RAB39A: variants seen among roughly 807,000 people sequenced by gnomAD.
RAB39A encodes the protein RAB39A, member RAS oncogene family.
Under a neutral mutation model 20.9 loss-of-function variants are expected in RAB39A, and 17 were observed. That is an observed-to-expected ratio of 0.81 (90% confidence interval 0.56 to 1.22). The LOEUF (loss-of-function observed/expected upper bound fraction) is 1.22. Among genes scored for constraint, RAB39A ranks in the 50% most tolerant of loss-of-function variants. The pLI is 0.00. For missense variants in RAB39A, 234 were observed against 270.5 expected (o/e 0.87, Z 0.95); for synonymous variants, 99 against 103.4 (o/e 0.96, Z 0.26).
At chr11:107,937,622 G>A (rs925180200) in intron 1 of RAB39A, among the ~76,000 whole-genome samples, 2 of 151,176 alleles carry the variant, frequency 1.3e-5, no homozygotes, top group South Asian at 2.1e-4. Context: ...TGCAAGCTCC[G>A]CCTCCTGGGT....
At chr11:107,940,421 G>A (rs185884845) in intron 1 of RAB39A, among the ~76,000 whole-genome samples, 11 of 151,534 alleles carry the variant, frequency 7.3e-5, no homozygotes, top group Non-Finnish European at 1.0e-4. Flanking sequence ...ACGCCACCAC[G>A]CCTGGCTAAT....
intron 1 of RAB39A, among the ~76,000 whole-genome samples, chr11:107,941,629 G>A (rs1029939126): frequency 6.6e-6 from 1 of 152,148 alleles, no homozygotes; most frequent in Non-Finnish European, 1.5e-5. Context: ...ATTAGCACTT[G>A]TTTTAAGCAC....
chr11:107,930,702 A>G (rs1408507061), intron 1 of RAB39A, among the ~76,000 whole-genome samples: 2 of 151,856 alleles, frequency 1.3e-5, no homozygotes, highest in Non-Finnish European at 2.9e-5. Flanking sequence ...CCAAAAATAC[A>G]AAAATTAGCT....
chr11:107,961,933 C>T lies in RAB39A; in HGVS notation c.228-13C>T, dbSNP rs778540979. The stretch of plus-strand genomic sequence containing the variant: ...GTTGTCCTTATACAACCTTTTTTCT[C>T]TTCATTTTTCAGATCAATAACCCGA... On this transcript the variant is annotated splice_polypyrimidine_tract_variant and intron_variant, in intron 1 of 1. Coordinates refer to ENST00000320578, the MANE Select transcript of RAB39A (RefSeq NM_017516.3). 44 of 1,584,272 alleles carry T rather than the reference C, an allele frequency of 2.8e-5. No homozygotes were observed. Among genetic ancestry groups the T allele is most frequent in the Admixed American group, 2.3e-4 (13 of 55,672 alleles).
At chr11:107,934,951 A>G (rs1415563221) in intron 1 of RAB39A, among the ~76,000 whole-genome samples, 1 of 141,236 alleles carries the variant, frequency 7.1e-6, no homozygotes, top group Non-Finnish European at 1.5e-5. Flanking sequence ...AAAAAAAAAA[A>G]TAGAGACAGC....
chr11:107,938,746 AAAAG>A (rs972068780), intron 1 of RAB39A, among the ~76,000 whole-genome samples: 3 of 151,804 alleles, frequency 2.0e-5, no homozygotes, highest in Admixed American at 2.0e-4. Flanking sequence ...AAAAAAAAAA[AAAAG>A]AAAGAAAAAG....
chr11:107,961,854 A>G, intron 1 of RAB39A, 92 bp from the exon 2 acceptor site: 1 of 987,598 alleles, frequency 1.0e-6, no homozygotes, highest in Non-Finnish European at 1.5e-6. Context: ...ATATTAAGAT[A>G]TCTTCAAATG....
chr11:107,936,057 A>G (rs1861191325), intron 1 of RAB39A, among the ~76,000 whole-genome samples: 1 of 151,494 alleles, frequency 6.6e-6, no homozygotes, highest in African/African-American at 2.4e-5. Context: ...GTGCCACCAT[A>G]CTCAGCTAGT....
At chr11:107,940,555 T>C (rs1861248691) in intron 1 of RAB39A, among the ~76,000 whole-genome samples, 1 of 152,166 alleles carries the variant, frequency 6.6e-6, no homozygotes, top group Non-Finnish European at 1.5e-5. Flanking sequence ...CGAGCCTGTT[T>C]TAATTATCTC....
chr11:107,934,502 T>C (rs138991947), intron 1 of RAB39A, among the ~76,000 whole-genome samples: 1 of 152,152 alleles, frequency 6.6e-6, no homozygotes, highest in Non-Finnish European at 1.5e-5. Context: ...ATAGCTCCCT[T>C]GATAAGTTGC....
chr11:107,936,810 C>T (rs903923872), intron 1 of RAB39A, among the ~76,000 whole-genome samples: 1 of 151,876 alleles, frequency 6.6e-6, no homozygotes, highest in Non-Finnish European at 1.5e-5. Flanking sequence ...CCTATAATCC[C>T]AGCTACTTGG....
At chr11:107,929,131 C>G (rs1174219178) in intron 1 of RAB39A, among the ~76,000 whole-genome samples, 2 of 152,226 alleles carry the variant, frequency 1.3e-5, no homozygotes, top group African/African-American at 4.8e-5. Context: ...CCCCGGCTGC[C>G]TTCTTCCCAA....
chr11:107,946,846 G>A (rs1216370977), intron 1 of RAB39A, among the ~76,000 whole-genome samples: 1 of 151,718 alleles, frequency 6.6e-6, no homozygotes, highest in Non-Finnish European at 1.5e-5. Context: ...CTAGCACTTT[G>A]GGAGGCTGAG....
At position 107,928,806 on chromosome 11, in the gene RAB39A, C is replaced by T. The variant is rs1456148833; in HGVS notation, c.227+11C>T. On this transcript the variant is annotated intron_variant, in intron 1 of 1. Transcript: ENST00000320578. This position sits in a 1 kb window ranked among gnomAD's most constrained non-coding sequence, Gnocchi z 4.9. ...ACAGGAGCGGTTCAGGTAGGGACCCCGGGGACCTTGGGCACCGCGCCGCCC... is the reference window on the plus strand; with the variant it reads ...ACAGGAGCGGTTCAGGTAGGGACCCTGGGGACCTTGGGCACCGCGCCGCCC... 1 of 1,514,762 alleles carries T rather than the reference C, an allele frequency of 6.6e-7. No individual in the cohort carries two copies. The highest frequency in any genetic ancestry group is 8.9e-7 in the Non-Finnish European group (1 of 1,119,618). The allele number at this position is 1,514,762 out of a possible 1,614,324, so 93.8% of individuals were successfully genotyped here. A position where few individuals can be genotyped will look rare whatever the true frequency, so the allele number is the denominator to read the frequency against.
chr11:107,960,443 A>G (rs118061253), intron 1 of RAB39A, among the ~76,000 whole-genome samples: 14 of 152,318 alleles, frequency 9.2e-5, no homozygotes, highest in Non-Finnish European at 1.9e-4. Flanking sequence ...TGAAGCAGAC[A>G]TAGGAGTTTC....
chr11:107,957,517 G>T (rs2134973959), intron 1 of RAB39A, among the ~76,000 whole-genome samples: 1 of 152,322 alleles, frequency 6.6e-6, no homozygotes, highest in Non-Finnish European at 1.5e-5. Context: ...CTGGCAATGG[G>T]ATAAGATTTG....
chr11:107,949,154 C>G (rs947043084), intron 1 of RAB39A, among the ~76,000 whole-genome samples: 1 of 151,936 alleles, frequency 6.6e-6, no homozygotes, highest in Admixed American at 6.6e-5. Context: ...AACCCCATCT[C>G]TACAAAAATT....
At chr11:107,959,915 G>A (rs879485276) in intron 1 of RAB39A, among the ~76,000 whole-genome samples, 1 of 152,130 alleles carries the variant, frequency 6.6e-6, no homozygotes, top group Non-Finnish European at 1.5e-5. Context: ...TCTCCAATAA[G>A]GTTAATTAAT....
At chr11:107,948,919 T>C (rs1861345938) in intron 1 of RAB39A, among the ~76,000 whole-genome samples, 1 of 152,154 alleles carries the variant, frequency 6.6e-6, no homozygotes. Flanking sequence ...TGACTTTCTT[T>C]TCCTTTCCTG....
Sources: allele counts gnomAD v4.1 joint callset (sites outside exome capture counted in the v4.1 genomes callset), GRCh38; gene constraint gnomAD v4.1.1; non-coding constraint Gnocchi (gnomAD v3.1); transcripts MANE v1.5; gene names NCBI Gene and HGNC (gene_info 2026-07-23, HGNC 2026-07-21).